PCDH9: variants seen among roughly 807,000 people sequenced by gnomAD.
PCDH9 encodes protocadherin-9.
A neutral mutation model predicts 70.6 loss-of-function variants in PCDH9; 24 were observed. The ratio of observed to expected loss-of-function variants is 0.34; its 90% CI spans 0.25 to 0.48. The LOEUF is 0.48. Among genes scored for constraint, PCDH9 ranks in the 20% least tolerant of loss-of-function variants. The probability of loss-of-function intolerance (pLI) is 0.99; values close to 1 mark genes in which losing one functional copy is unlikely to be tolerated. For missense variants in PCDH9, 1,281 were observed against 1,503.6 expected, an observed-to-expected ratio of 0.85 and a Z score of 2.45; for synonymous variants, 562 against 558.5, an observed-to-expected ratio of 1.01 and a Z score of -0.09.
At chr13:66,365,007 G>A (rs1308349544) in intron 4 of PCDH9, among the ~76,000 whole-genome samples, 1 of 152,136 alleles carries the variant, frequency 6.6e-6, no homozygotes, top group Non-Finnish European at 1.5e-5. Flanking sequence ...AAGGATGGCT[G>A]CGTCCTCAGA....
intron 4 of PCDH9, among the ~76,000 whole-genome samples, chr13:66,373,040 T>C (rs1036550807): frequency 7.2e-5 from 11 of 152,038 alleles, no homozygotes; most frequent in African/African-American, 1.9e-4. Flanking sequence ...ATTAGTGTTA[T>C]AGCAACATTA....
intron 4 of PCDH9, among the ~76,000 whole-genome samples, chr13:66,507,697 T>TG: frequency 9.5e-6 from 1 of 105,776 alleles, no homozygotes. Context: ...TTTCCTTTCT[T>TG]TTTTGTTTGT....
intron 2 of PCDH9, among the ~76,000 whole-genome samples, chr13:66,954,219 C>G (rs1369802876): frequency 6.6e-6 from 1 of 152,130 alleles, no homozygotes; most frequent in East Asian, 1.9e-4. Flanking sequence ...ACTTATAATG[C>G]TCTCTCTTTA....
At chr13:66,647,527 C>A (rs1385175123) in intron 3 of PCDH9, among the ~76,000 whole-genome samples, 1 of 152,110 alleles carries the variant, frequency 6.6e-6, no homozygotes, top group Non-Finnish European at 1.5e-5. Context: ...GCCCTTGGGT[C>A]CTGAATAATC....
intron 3 of PCDH9, among the ~76,000 whole-genome samples, chr13:66,893,322 A>C (rs898941426): frequency 6.6e-6 from 1 of 152,134 alleles, no homozygotes; most frequent in African/African-American, 2.4e-5. Flanking sequence ...GTATTGTATC[A>C]CACTGTGAAT....
chr13:66,408,271 G>T (rs1440197006), intron 4 of PCDH9, among the ~76,000 whole-genome samples: 1 of 151,936 alleles, frequency 6.6e-6, no homozygotes, highest in Non-Finnish European at 1.5e-5. Flanking sequence ...TGTTAGCCAG[G>T]ATGGTCTCGA....
chr13:66,749,075 T>G (rs568218703), intron 3 of PCDH9, among the ~76,000 whole-genome samples: 1 of 152,218 alleles, frequency 6.6e-6, no homozygotes, highest in Non-Finnish European at 1.5e-5. Context: ...GCCATGATTA[T>G]AAGTTTCCTG....
In PCDH9 at chr13:67,230,166, G is replaced by A. The variant is rs1244474351; in HGVS notation, c.-522C>T. 2.0e-5 allele frequency: 3 copies of A among 152,220 alleles called. No homozygotes were observed. Among genetic ancestry groups the A allele is most frequent in the African/African-American group, 7.2e-5 (3 of 41,458 alleles). The allele number at this position is 152,220 out of a possible 1,614,324, so 9.4% of individuals were successfully genotyped here. A position where few individuals can be genotyped will look rare whatever the true frequency, so the allele number is the denominator to read the frequency against. On this transcript the variant is annotated 5_prime_UTR_variant, in exon 1 of 5. Transcript: ENST00000377865. Reference sequence around the variant, plus strand: ...TCTTGTAGGAAACGTCAGAGTTGCGGTGATGATGATTCTCTGACAGCTATC... The same window carrying A: ...TCTTGTAGGAAACGTCAGAGTTGCGATGATGATGATTCTCTGACAGCTATC...
chr13:66,495,446 A>G (rs1228036090), intron 4 of PCDH9, among the ~76,000 whole-genome samples: 1 of 152,210 alleles, frequency 6.6e-6, no homozygotes, highest in Non-Finnish European at 1.5e-5. Flanking sequence ...ATTCAACGGT[A>G]TCTCCTTCAA....
At chr13:66,971,897 G>A (rs1300985061) in intron 2 of PCDH9, among the ~76,000 whole-genome samples, 2 of 151,724 alleles carry the variant, frequency 1.3e-5, no homozygotes, top group Non-Finnish European at 2.9e-5. Flanking sequence ...TTAAGTCTTC[G>A]AGCTATTGTT....
chr13:66,808,185 A>G (rs540500575), intron 3 of PCDH9, among the ~76,000 whole-genome samples: 1 of 152,342 alleles, frequency 6.6e-6, no homozygotes, highest in Non-Finnish European at 1.5e-5. Context: ...TTTATGGAGC[A>G]AAGTCAATCT....
At chr13:66,896,243 T>C (rs564040785) in intron 3 of PCDH9, among the ~76,000 whole-genome samples, 31 of 152,342 alleles carry the variant, frequency 2.0e-4, no homozygotes, top group African/African-American at 7.5e-4. Context: ...AACTGATTTA[T>C]ACACGGGAAC....
chr13:66,846,948 G>C (rs2081222570), intron 3 of PCDH9, among the ~76,000 whole-genome samples: 1 of 151,018 alleles, frequency 6.6e-6, no homozygotes, highest in Non-Finnish European at 1.5e-5. Context: ...AGTTTTTCCT[G>C]ATAAATAAGA....
intron 2 of PCDH9, 65 bp downstream of exon 2, chr13:67,225,340 C>T (rs909014527): frequency 2.7e-6 from 4 of 1,507,336 alleles, no homozygotes; most frequent in Admixed American, 1.7e-5. Flanking sequence ...CATACTGGCA[C>T]GTTAATACTG....
chr13:66,462,752 A>C (rs1311381346), intron 4 of PCDH9, among the ~76,000 whole-genome samples: 1 of 151,708 alleles, frequency 6.6e-6, no homozygotes, highest in African/African-American at 2.4e-5. Context: ...AGATAAATTA[A>C]TACATCACAA....
rs60742942 is a variant in PCDH9 at position 66,824,303 on chromosome 13, GTATATATATATATATATATA to G, written c.3138+79181_3138+79200del. 7.6e-3 allele frequency among the ~76,000 whole-genome samples: 976 copies of G among 128,334 alleles called. 15 individuals are homozygous for G. Among genetic ancestry groups the G allele is most frequent in the African/African-American group, 0.026 (890 of 33,650 alleles). 84.2% of individuals were successfully genotyped at this position (128,334 alleles called of 152,430 possible). A position where few individuals can be genotyped will look rare whatever the true frequency, so the allele number is the denominator to read the frequency against. Reference sequence around the variant, plus strand: ...AAATTTTGCCCTCATTTGTTTGAAAGTATATATATATATATATATATATATATATATATATATATATATAT... The same window carrying G: ...AAATTTTGCCCTCATTTGTTTGAAAGTATATATATATATATATATATATAT... On this transcript the variant is annotated intron_variant, in intron 3 of 4. Coordinates refer to ENST00000377865, the MANE Select transcript of PCDH9 (RefSeq NM_203487.3).
chr13:66,954,906 G>A (rs2083243540), intron 2 of PCDH9, among the ~76,000 whole-genome samples: 1 of 152,204 alleles, frequency 6.6e-6, no homozygotes, highest in Middle Eastern at 3.2e-3. Flanking sequence ...TGGGACTACA[G>A]GCGCCTGCCT....
chr13:67,071,997 A>G (rs2085775659), intron 2 of PCDH9, among the ~76,000 whole-genome samples: 3 of 151,966 alleles, frequency 2.0e-5, no homozygotes, highest in Non-Finnish European at 2.9e-5. Context: ...GGTTTATGCA[A>G]TTGAACGTTT....
chr13:66,797,743 A>T (rs936511585), intron 3 of PCDH9, among the ~76,000 whole-genome samples: 1 of 152,046 alleles, frequency 6.6e-6, no homozygotes, highest in Non-Finnish European at 1.5e-5. Flanking sequence ...TTTAAATAAA[A>T]ACACATATTG....
Sources: allele counts gnomAD v4.1 joint callset (sites outside exome capture counted in the v4.1 genomes callset), GRCh38; gene constraint gnomAD v4.1.1; transcripts MANE v1.5; gene names NCBI Gene and HGNC (gene_info 2026-07-23, HGNC 2026-07-21).